The following GAB2 variants were observed in gnomAD, a reference collection of about 807,000 sequenced individuals.
The protein encoded by GAB2 is GRB2 associated binding protein 2.
GAB2 carries 26 observed loss-of-function variants against 65.5 expected under a neutral mutation model. The observed-to-expected ratio is 0.40, with a 90% confidence interval of 0.29 to 0.55. GAB2 has a LOEUF of 0.55. Ranked by LOEUF, GAB2 falls within the 20% of genes least tolerant of loss-of-function variation. GAB2 has a pLI of 0.53. For missense variants in GAB2, 884 were observed against 875.8 expected, an observed-to-expected ratio of 1.01 and a Z score of -0.12; for synonymous variants, 321 against 329.6, an observed-to-expected ratio of 0.97 and a Z score of 0.28.
intron 1 of GAB2, among the ~76,000 whole-genome samples, chr11:78,408,864 T>G (rs2135094325): frequency 6.6e-6 from 1 of 152,298 alleles, no homozygotes; most frequent in South Asian, 2.1e-4. Flanking sequence ...CCGCCATGAC[T>G]GTAAGTTTCC....
At chr11:78,350,852 C>T (rs1029583089) in intron 1 of GAB2, among the ~76,000 whole-genome samples, 7 of 152,204 alleles carry the variant, frequency 4.6e-5, no homozygotes, top group African/African-American at 1.4e-4. Context: ...TATGCTCTGC[C>T]AAGTTGTTTC....
chr11:78,231,447 C>T (rs997667150), intron 3 of GAB2, among the ~76,000 whole-genome samples: 1 of 152,032 alleles, frequency 6.6e-6, no homozygotes, highest in African/African-American at 2.4e-5. Context: ...CTCCTGGGTT[C>T]AAAGCGATTC....
chr11:78,267,880 A>AAAAAAAAAAAAAAC (rs1565134074), intron 2 of GAB2, among the ~76,000 whole-genome samples: 1 of 151,016 alleles, frequency 6.6e-6, no homozygotes, highest in Non-Finnish European at 1.5e-5. Flanking sequence ...AAAAAAAAAA[A>AAAAAAAAAAAAAAC]AGAGTCTCTG....
At chr11:78,402,243 C>T (rs1856982689) in intron 1 of GAB2, among the ~76,000 whole-genome samples, 2 of 152,074 alleles carry the variant, frequency 1.3e-5, no homozygotes, top group African/African-American at 4.8e-5. Flanking sequence ...CCTGAAAAAC[C>T]TTCTTCTCTT....
intron 1 of GAB2, among the ~76,000 whole-genome samples, chr11:78,383,581 C>CAAAAAAA (rs534814220): frequency 1.1e-3 from 62 of 55,534 alleles, no homozygotes; most frequent in East Asian, 2.3e-3. Flanking sequence ...CCTGTCTCTC[C>CAAAAAAA]AAAAAAAAAA....
intron 1 of GAB2, among the ~76,000 whole-genome samples, chr11:78,316,662 T>C (rs1438364797): frequency 6.6e-6 from 1 of 152,196 alleles, no homozygotes; most frequent in Non-Finnish European, 1.5e-5. Context: ...ATGGAGAAAC[T>C]GGAACCCTTG....
At chr11:78,299,060 G>A (rs1866917535) in intron 1 of GAB2, among the ~76,000 whole-genome samples, 1 of 152,202 alleles carries the variant, frequency 6.6e-6, no homozygotes, top group South Asian at 2.1e-4. Context: ...CTGGAGTACA[G>A]TCCAGGGATA....
intron 1 of GAB2, among the ~76,000 whole-genome samples, chr11:78,366,585 C>CAAAAA (rs33997665): frequency 4.6e-4 from 15 of 32,940 alleles, no homozygotes; most frequent in East Asian, 1.3e-3. Context: ...GACTCCATCT[C>CAAAAA]AAAAAAAAAA....
At chr11:78,396,735 T>C (rs1856900061) in intron 1 of GAB2, among the ~76,000 whole-genome samples, 1 of 152,164 alleles carries the variant, frequency 6.6e-6, no homozygotes, top group Admixed American at 6.5e-5. Context: ...GCAGCTGAGA[T>C]TACAGGCATG....
intron 2 of GAB2, among the ~76,000 whole-genome samples, chr11:78,263,567 A>C (rs1266706476): frequency 1.3e-5 from 2 of 149,068 alleles, no homozygotes; most frequent in Admixed American, 1.4e-4. Context: ...CAGGAGGCAG[A>C]GGTTGCAGTG....
intron 1 of GAB2, among the ~76,000 whole-genome samples, chr11:78,286,482 C>G (rs898157738): frequency 2.0e-5 from 3 of 152,050 alleles, no homozygotes; most frequent in Non-Finnish European, 4.4e-5. Context: ...ATATGTCTTT[C>G]TCCCCTTTAA....
At chr11:78,417,612 C>T (rs756321596) in intron 1 of GAB2, 34 bp downstream of exon 1, 16 of 1,244,956 alleles carry the variant, frequency 1.3e-5, no homozygotes, top group Non-Finnish European at 1.6e-5. Flanking sequence ...GGAGCGCCCC[C>T]CGCCCGCCCC....
At chr11:78,222,427 A>G (rs1864475549) in intron 6 of GAB2, among the ~76,000 whole-genome samples, 1 of 151,850 alleles carries the variant, frequency 6.6e-6, no homozygotes, top group African/African-American at 2.4e-5. Context: ...TATGGTAATT[A>G]TATTTTCAGA....
chr11:78,408,634 C>G (rs552186474), intron 1 of GAB2, among the ~76,000 whole-genome samples: 5 of 152,268 alleles, frequency 3.3e-5, no homozygotes, highest in Middle Eastern at 3.4e-3. Flanking sequence ...GTATGTGTCC[C>G]TGCCCAAATC....
intron 1 of GAB2, among the ~76,000 whole-genome samples, chr11:78,330,341 T>C (rs371144378): frequency 6.6e-6 from 1 of 152,160 alleles, no homozygotes; most frequent in African/African-American, 2.4e-5. Context: ...ATAAAGAAGT[T>C]TGAGTGACAA....
chr11:78,241,614 A>G (rs972088200), intron 3 of GAB2, among the ~76,000 whole-genome samples: 3 of 152,028 alleles, frequency 2.0e-5, no homozygotes, highest in African/African-American at 7.2e-5. Context: ...AGAGAAAGAA[A>G]AAAAAAAACC....
At chr11:78,305,723 T>C (rs369951042) in intron 1 of GAB2, among the ~76,000 whole-genome samples, 9 of 152,312 alleles carry the variant, frequency 5.9e-5, no homozygotes, top group African/African-American at 2.2e-4. Flanking sequence ...TGAAACATAG[T>C]TTTTAGATAA....
chr11:78,410,560 A>T (rs376048438), intron 1 of GAB2, among the ~76,000 whole-genome samples: 3 of 152,324 alleles, frequency 2.0e-5, no homozygotes, highest in African/African-American at 7.2e-5. Flanking sequence ...ATAAGGGTTA[A>T]AAAAATAAAG....
chr11:78,237,431 G>C (rs1865010894), intron 3 of GAB2, among the ~76,000 whole-genome samples: 1 of 152,156 alleles, frequency 6.6e-6, no homozygotes, highest in Admixed American at 6.5e-5. Flanking sequence ...AAGAAGTCAG[G>C]AAAACTAGTA....
Sources: gnomAD v4.1 joint callset for allele counts (sites outside exome capture counted in the v4.1 genomes callset) on GRCh38, gnomAD v4.1.1 for gene constraint, MANE v1.5 for transcripts, NCBI Gene and HGNC (gene_info 2026-07-23, HGNC 2026-07-21) for gene names.